Variants in ANKRD36C observed in about 807,000 individuals in gnomAD.
ANKRD36C encodes the protein ankyrin repeat domain-containing protein 36C.
Under a neutral mutation model 276.4 loss-of-function variants are expected in ANKRD36C, and 61 were observed. That is an observed-to-expected ratio of 0.22 (90% CI 0.18 to 0.27). The LOEUF (loss-of-function observed/expected upper bound fraction) is 0.27. Ranked by LOEUF, ANKRD36C falls within the 10% of genes least tolerant of loss-of-function variation. The pLI is 1.00. For synonymous variants in ANKRD36C, 483 were observed against 680.1 expected (o/e 0.71, Z 4.51); for missense variants, 1,447 against 2,032.3 (o/e 0.71, Z 5.54).
At chr2:95,912,208 A>C in intron 42 of ANKRD36C, 36 bp downstream of exon 44, 1 of 1,542,054 alleles carries the variant, frequency 6.5e-7, no homozygotes. Flanking sequence ...TCTTATCTGG[A>C]CTGCACATGA....
intron 59 of ANKRD36C, among the ~76,000 whole-genome samples, chr2:95,873,372 T>C (rs2104301914): frequency 6.6e-6 from 1 of 152,228 alleles, no homozygotes; most frequent in Admixed American, 6.5e-5. Context: ...TATACGCAAA[T>C]AAATAAATGT....
At chr2:95,886,729 T>C (rs1676211915) in intron 50 of ANKRD36C, among the ~76,000 whole-genome samples, 1 of 151,802 alleles carries the variant, frequency 6.6e-6, no homozygotes, top group Non-Finnish European at 1.5e-5. Context: ...CACTTGAACA[T>C]ACACTTCACA....
intron 44 of ANKRD36C, 117 bp from the exon 61 acceptor site, chr2:95,895,707 A>T: frequency 1.3e-6 from 2 of 1,513,766 alleles, no homozygotes; most frequent in Non-Finnish European, 1.8e-6. Context: ...GGAGGCTTTC[A>T]TGGCTTCTAC....
chr2:95,867,007 C>T (rs1675695505), intron 60 of ANKRD36C, among the ~76,000 whole-genome samples: 1 of 152,108 alleles, frequency 6.6e-6, no homozygotes, highest in Non-Finnish European at 1.5e-5. Flanking sequence ...CAATAAATGG[C>T]AGCTGGGTTT....
chr2:95,883,795 C>A (rs1182067210), intron 54 of ANKRD36C, among the ~76,000 whole-genome samples: 1 of 152,028 alleles, frequency 6.6e-6, no homozygotes, highest in East Asian at 1.9e-4. Context: ...ATTATGATCA[C>A]TTTTCCGTCT....
chr2:95,944,604 C>T (rs1677982565), intron 19 of ANKRD36C, 23 bp downstream of exon 19: 2 of 1,536,288 alleles, frequency 1.3e-6, no homozygotes, highest in Non-Finnish European at 1.7e-6. Flanking sequence ...TCTATGTTGG[C>T]TTTTAACCAC....
At chr2:95,853,990 A>G in intron 63 of ANKRD36C, 129 bp from the exon 84 acceptor site, 12 of 844,516 alleles carry the variant, frequency 1.4e-5, no homozygotes, top group Non-Finnish European at 2.1e-5. Context: ...TCTTTTCCTC[A>G]TGTGTACACA....
intron 38 of ANKRD36C, among the ~76,000 whole-genome samples, chr2:95,915,551 C>A (rs946758868): frequency 6.6e-6 from 1 of 151,546 alleles, no homozygotes; most frequent in Non-Finnish European, 1.5e-5. Context: ...ATAATTGCTA[C>A]ATCAGGGGTC....
At chr2:95,913,895 G>C (rs144283389) in intron 40 of ANKRD36C, among the ~76,000 whole-genome samples, 5 of 151,378 alleles carry the variant, frequency 3.3e-5, no homozygotes, top group South Asian at 2.1e-4. Context: ...CTTCTTCCCA[G>C]TTTCAATGTG....
intron 16 of ANKRD36C, among the ~76,000 whole-genome samples, chr2:95,949,033 A>G (rs1289180263): frequency 1.3e-5 from 2 of 152,110 alleles, no homozygotes; most frequent in Non-Finnish European, 2.9e-5. Flanking sequence ...TCTCTTCTCC[A>G]TTATCTATTT....
At chr2:95,919,612 G>A (rs138323208) in intron 34 of ANKRD36C, 121 bp downstream of exon 36, 6,105 of 511,316 alleles carry the variant, frequency 0.012, 856 homozygotes, top group Non-Finnish European at 0.014. Flanking sequence ...TCTCAGGCCT[G>A]CTGAATCAGA....
chr2:95,974,860 G>A (rs1468474653), intron 6 of ANKRD36C, among the ~76,000 whole-genome samples: 1 of 135,364 alleles, frequency 7.4e-6, no homozygotes, highest in Non-Finnish European at 1.5e-5. Flanking sequence ...GTGTCCATGT[G>A]TTCTCATTGT....
At chr2:95,962,298 G>C in intron 8 of ANKRD36C, 54 bp downstream of exon 8, 1 of 1,518,224 alleles carries the variant, frequency 6.6e-7, no homozygotes, top group Non-Finnish European at 8.9e-7. Flanking sequence ...TCAGGGAACA[G>C]CAGTTCCCTT....
intron 3 of ANKRD36C, among the ~76,000 whole-genome samples, chr2:95,983,404 T>C (rs1452376009): frequency 3.3e-5 from 5 of 151,432 alleles, no homozygotes; most frequent in Non-Finnish European, 1.5e-5. Context: ...AGGACCCTGG[T>C]ACATAACTCC....
At chr2:95,876,587 C>G (rs1282817202) in intron 58 of ANKRD36C, 75 bp from the exon 79 acceptor site, 1 of 763,956 alleles carries the variant, frequency 1.3e-6, no homozygotes, top group African/African-American at 1.7e-5. Flanking sequence ...AGCGGTGGCT[C>G]ACGCCTGTAA....
In ANKRD36C at chr2:95,927,298, T is replaced by C; in HGVS notation, c.1867-12A>G. 1.2e-6 allele frequency: 2 copies of C among 1,609,586 alleles called. No homozygotes were observed. Among genetic ancestry groups the C allele is most frequent in the Non-Finnish European group, 1.7e-6 (2 of 1,178,086 alleles). On this transcript the variant is annotated splice_polypyrimidine_tract_variant and intron_variant, in intron 27 of 66. Transcript: ENST00000456556. ...TCATCACTTGTAGCCTGAATGGGATTTGAAACAAAATAATCAATACGTAAA... is the reference window on the plus strand; with the variant it reads ...TCATCACTTGTAGCCTGAATGGGATCTGAAACAAAATAATCAATACGTAAA...
chr2:95,915,021 T>A (rs1677051543), intron 38 of ANKRD36C, among the ~76,000 whole-genome samples: 1 of 151,582 alleles, frequency 6.6e-6, no homozygotes, highest in Non-Finnish European at 1.5e-5. Context: ...AATTTTGACA[T>A]ATTTCTACAA....
chr2:95,916,858 A>G (rs1267235921), intron 36 of ANKRD36C, among the ~76,000 whole-genome samples: 1 of 151,694 alleles, frequency 6.6e-6, no homozygotes, highest in African/African-American at 2.4e-5. Context: ...TAGACTCGAT[A>G]AAAATATCAT....
intron 42 of ANKRD36C, 34 bp from the exon 45 acceptor site, chr2:95,910,602 T>A (rs1181841331): frequency 1.2e-6 from 2 of 1,603,574 alleles, no homozygotes; most frequent in East Asian, 4.5e-5. Flanking sequence ...ATCACTCATA[T>A]GTAAATATGA....
Sources: allele counts gnomAD v4.1 joint callset (sites outside exome capture counted in the v4.1 genomes callset), GRCh38; gene constraint gnomAD v4.1.1; transcripts MANE v1.5; gene names NCBI Gene and HGNC (gene_info 2026-07-23, HGNC 2026-07-21).